The following CCDC178 variants were observed in gnomAD, a reference collection of about 807,000 sequenced individuals.
CCDC178 encodes the protein coiled-coil domain-containing protein 178.
A neutral mutation model predicts 117.4 loss-of-function variants in CCDC178; 126 were observed. The observed-to-expected ratio is 1.07, with a 90% CI of 0.93 to 1.24. The LOEUF is 1.24. CCDC178 is among the 50% of genes most tolerant of loss of function. CCDC178 has a pLI of 0.00. For missense variants in CCDC178, 1,030 were observed against 986.9 expected (o/e 1.04, Z -0.59); for synonymous variants, 283 against 313.4 (o/e 0.90, Z 1.02).
intron 22 of CCDC178, among the ~76,000 whole-genome samples, chr18:32,963,510 G>A (rs956747027): frequency 1.3e-5 from 2 of 151,794 alleles, no homozygotes; most frequent in African/African-American, 4.8e-5. Context: ...TTTCATCTCT[G>A]ATGCTCCCCG....
chr18:33,296,387 AT>A (rs1248639147), intron 11 of CCDC178, among the ~76,000 whole-genome samples: 2 of 152,114 alleles, frequency 1.3e-5, no homozygotes, highest in East Asian at 3.9e-4. Flanking sequence ...GCATATAATA[AT>A]AAACACACAC....
intron 21 of CCDC178, among the ~76,000 whole-genome samples, chr18:32,986,241 C>A (rs563837895): frequency 1.7e-4 from 26 of 152,098 alleles, no homozygotes; most frequent in African/African-American, 4.3e-4. Flanking sequence ...ATGAGAGAAT[C>A]TGGAGAACCA....
intron 21 of CCDC178, among the ~76,000 whole-genome samples, chr18:33,071,156 C>CTG (rs1446260613): frequency 6.6e-6 from 1 of 152,034 alleles, no homozygotes; most frequent in Non-Finnish European, 1.5e-5. Context: ...TTCTTTACCA[C>CTG]TGCCTTTTAG....
intron 20 of CCDC178, among the ~76,000 whole-genome samples, chr18:33,118,724 C>T (rs113348839): frequency 9.9e-5 from 15 of 152,140 alleles, no homozygotes; most frequent in South Asian, 4.2e-4. Context: ...AAAAAGAGCC[C>T]GCATCACCAA....
intron 20 of CCDC178, among the ~76,000 whole-genome samples, chr18:33,195,274 T>A (rs1482018238): frequency 6.6e-6 from 1 of 152,134 alleles, no homozygotes; most frequent in East Asian, 1.9e-4. Context: ...CTTGTCTACC[T>A]GATCTTTTGC....
intron 21 of CCDC178, chr18:32,983,283 G>T: frequency 6.6e-7 from 1 of 1,520,016 alleles, no homozygotes; most frequent in Non-Finnish European, 8.8e-7. Flanking sequence ...ACAGGTACCT[G>T]AAAATTTGAG....
chr18:33,290,783 GA>G (rs35387766), intron 12 of CCDC178, among the ~76,000 whole-genome samples: 1 of 151,598 alleles, frequency 6.6e-6, no homozygotes, highest in Non-Finnish European at 1.5e-5. Flanking sequence ...AAAGTGAATG[GA>G]AAAAGATCCA....
chr18:33,394,240 CTA>C (rs746581174), intron 4 of CCDC178, among the ~76,000 whole-genome samples: 3 of 151,836 alleles, frequency 2.0e-5, no homozygotes, highest in African/African-American at 4.8e-5. Flanking sequence ...GTGAGAATGA[CTA>C]ATATTTATTG....
rs556655956 is a variant in CCDC178, at chr18:33,298,405, A to G, written c.1023-5093T>C. ...TGATCATCTCAGTAAAGGCAAGTAA[A>G]GTATGTGATAAAATTAAACATTTCA... On this transcript the variant is annotated intron_variant, in intron 11 of 22. Transcript: ENST00000383096. Among the ~76,000 whole-genome samples the G allele has an allele frequency of 3.3e-5, 5 of 152,338 alleles. No homozygotes were observed. The South Asian group carries it at 1.0e-3, about 32-fold the overall frequency.
intron 18 of CCDC178, among the ~76,000 whole-genome samples, chr18:33,218,810 T>C (rs554655737): frequency 2.0e-5 from 3 of 152,178 alleles, no homozygotes; most frequent in Admixed American, 6.6e-5. Flanking sequence ...CATTGGTCTC[T>C]ATCTCTGTTT....
chr18:33,377,810 T>A (rs961916461), intron 5 of CCDC178, among the ~76,000 whole-genome samples: 2 of 152,178 alleles, frequency 1.3e-5, no homozygotes, highest in African/African-American at 4.8e-5. Flanking sequence ...GATCTATATA[T>A]CCATTTTTGT....
intron 20 of CCDC178, among the ~76,000 whole-genome samples, chr18:33,194,933 GGA>G (rs1318138694): frequency 7.3e-6 from 1 of 137,508 alleles, no homozygotes; most frequent in Non-Finnish European, 1.5e-5. Flanking sequence ...AGAGAGAGAG[GGA>G]GAGAGAGAGA....
intron 20 of CCDC178, among the ~76,000 whole-genome samples, chr18:33,185,565 A>T (rs2058781472): frequency 6.6e-6 from 1 of 152,052 alleles, no homozygotes; most frequent in African/African-American, 2.4e-5. Flanking sequence ...GAACATTTTT[A>T]AAAAGAACGT....
chr18:33,079,905 C>T (rs1230649260), intron 21 of CCDC178, among the ~76,000 whole-genome samples: 1 of 152,172 alleles, frequency 6.6e-6, no homozygotes, highest in Non-Finnish European at 1.5e-5. Flanking sequence ...TAACATTTCA[C>T]TCAGCAATTC....
intron 11 of CCDC178, among the ~76,000 whole-genome samples, chr18:33,299,055 C>T (rs1242202102): frequency 1.3e-5 from 2 of 152,086 alleles, no homozygotes; most frequent in East Asian, 1.9e-4. Context: ...AAGCAACCTA[C>T]AATTTAAATG....
Position 33,434,966 on chromosome 18 carries a change from C to T in CCDC178, c.-23+4996G>A, listed in dbSNP as rs141560326. ...TCCATTATCAGGTGACATTTTCGGG[C>T]TACATCTTCAAATGTGGAAATTGTC... On this transcript the variant is annotated intron_variant, in intron 2 of 22. Transcript: ENST00000383096. 7.6e-4 allele frequency among the ~76,000 whole-genome samples: 115 copies of T among 152,222 alleles called. 1 individual carries two copies. The highest frequency in any genetic ancestry group is 2.6e-3 in the African/African-American group (110 of 41,556).
At chr18:33,071,216 C>T (rs1044413846) in intron 21 of CCDC178, among the ~76,000 whole-genome samples, 3 of 151,482 alleles carry the variant, frequency 2.0e-5, no homozygotes, top group Admixed American at 6.6e-5. Flanking sequence ...GAAAGGTGGA[C>T]GCATAGAGGA....
chr18:32,948,203 G>A (rs2054398398), intron 22 of CCDC178, among the ~76,000 whole-genome samples: 1 of 151,956 alleles, frequency 6.6e-6, no homozygotes, highest in Admixed American at 6.6e-5. Context: ...TTCCTTGTGG[G>A]TTTTAAAACA....
intron 7 of CCDC178, among the ~76,000 whole-genome samples, chr18:33,352,435 T>C (rs1464971430): frequency 6.6e-6 from 1 of 152,148 alleles, no homozygotes; most frequent in African/African-American, 2.4e-5. Flanking sequence ...TATTTCTACT[T>C]TAACCTTTAT....
Sources: allele counts gnomAD v4.1 joint callset (sites outside exome capture counted in the v4.1 genomes callset), GRCh38; gene constraint gnomAD v4.1.1; transcripts MANE v1.5; gene names NCBI Gene and HGNC (gene_info 2026-07-23, HGNC 2026-07-21).